The following MYO5B variants were observed in gnomAD, a reference collection of about 807,000 sequenced individuals.
The protein encoded by MYO5B is unconventional myosin-Vb.
A neutral mutation model predicts 229.3 loss-of-function variants in MYO5B; 143 were observed. The observed-to-expected ratio is 0.62, with a 90% confidence interval of 0.54 to 0.72. The LOEUF (loss-of-function observed/expected upper bound fraction) is 0.72, where lower values mean the gene tolerates loss of function less well. Among genes scored for constraint, MYO5B ranks in the 30% least tolerant of loss-of-function variants. The pLI is 0.00. For missense variants in MYO5B, 2,321 were observed against 2,331.0 expected (o/e 1.00, Z 0.09); for synonymous variants, 918 against 885.2 (o/e 1.04, Z -0.66).
At chr18:50,147,671 T>C (rs764967438) in intron 1 of MYO5B, among the ~76,000 whole-genome samples, 10 of 152,192 alleles carry the variant, frequency 6.6e-5, no homozygotes, top group Non-Finnish European at 1.3e-4. Flanking sequence ...TTCGGTAGCA[T>C]ACAAGACCGT....
chr18:49,997,369 C>CTTTTTTTTTTTTTT (rs34011258), intron 5 of MYO5B, among the ~76,000 whole-genome samples: 1 of 60,348 alleles, frequency 1.7e-5, no homozygotes, highest in African/African-American at 7.1e-5. Context: ...TCCTTTCTTT[C>CTTTTTTTTTTTTTT]TTTTTTTTTT....
At chr18:50,050,203 G>A (rs2030355601) in intron 2 of MYO5B, among the ~76,000 whole-genome samples, 1 of 152,166 alleles carries the variant, frequency 6.6e-6, no homozygotes, top group Admixed American at 6.5e-5. Context: ...CCAGCTAAAA[G>A]AAGAAGTAAT....
chr18:50,108,991 G>T (rs946394842), intron 1 of MYO5B, among the ~76,000 whole-genome samples: 1 of 152,116 alleles, frequency 6.6e-6, no homozygotes, highest in Non-Finnish European at 1.5e-5. Context: ...GCTCCAAGAA[G>T]AATAAAGTCA....
chr18:50,143,782 G>T (rs1007754284), intron 1 of MYO5B, among the ~76,000 whole-genome samples: 7 of 152,138 alleles, frequency 4.6e-5, no homozygotes, highest in Admixed American at 2.0e-4. Context: ...TCAGAACATG[G>T]CGTGCAACAC....
At chr18:50,006,598 C>T (rs555094558) in intron 4 of MYO5B, among the ~76,000 whole-genome samples, 3 of 152,336 alleles carry the variant, frequency 2.0e-5, no homozygotes, top group East Asian at 1.9e-4. Context: ...ACTGGCCCCC[C>T]CTTCTGTGAC....
chr18:50,079,743 C>A (rs573554898), intron 1 of MYO5B, among the ~76,000 whole-genome samples: 1 of 151,834 alleles, frequency 6.6e-6, no homozygotes, highest in Non-Finnish European at 1.5e-5. Context: ...TCTGTAGCAG[C>A]GGAATCAGAC....
intron 1 of MYO5B, among the ~76,000 whole-genome samples, chr18:50,107,460 T>C (rs191217516): frequency 6.6e-6 from 1 of 152,258 alleles, no homozygotes; most frequent in East Asian, 1.9e-4. Context: ...TTCTACCGTA[T>C]TCTCACATCT....
intron 21 of MYO5B, among the ~76,000 whole-genome samples, chr18:49,900,128 C>T (rs2024824770): frequency 6.6e-6 from 1 of 152,206 alleles, no homozygotes; most frequent in Non-Finnish European, 1.5e-5. Context: ...GCGGTCAATG[C>T]CTACTCATCC....
chr18:50,071,721 C>G (rs930000446), intron 1 of MYO5B, among the ~76,000 whole-genome samples: 1 of 152,224 alleles, frequency 6.6e-6, no homozygotes. Flanking sequence ...ACTCCTGGTT[C>G]TGTGGGAATT....
At chr18:49,872,259 G>C (rs1487275750) in intron 26 of MYO5B, 27 bp from the exon 27 acceptor site, 5 of 1,611,308 alleles carry the variant, frequency 3.1e-6, no homozygotes, top group Non-Finnish European at 4.2e-6. Flanking sequence ...ACAAAGATAA[G>C]TGCAGACCTC....
chr18:50,118,153 C>G (rs1405901033), intron 1 of MYO5B, among the ~76,000 whole-genome samples: 1 of 152,134 alleles, frequency 6.6e-6, no homozygotes, highest in African/African-American at 2.4e-5. Context: ...CATCCACCCG[C>G]CCCCAACTAA....
intron 5 of MYO5B, among the ~76,000 whole-genome samples, chr18:50,000,655 C>T (rs1000102778): frequency 6.6e-6 from 1 of 152,182 alleles, no homozygotes; most frequent in Non-Finnish European, 1.5e-5. Flanking sequence ...TCTGAGCCCA[C>T]CCTAGTCCAG....
intron 12 of MYO5B, 45 bp from the exon 13 acceptor site, chr18:49,954,480 A>G (rs376374395): frequency 2.5e-6 from 4 of 1,612,750 alleles, no homozygotes; most frequent in African/African-American, 1.3e-5. Flanking sequence ...GAAGAGGAAG[A>G]AGGAAGCCCT....
intron 1 of MYO5B, among the ~76,000 whole-genome samples, chr18:50,130,538 A>C (rs1341674343): frequency 2.0e-5 from 3 of 152,130 alleles, no homozygotes; most frequent in African/African-American, 7.2e-5. Flanking sequence ...GCTCCTTCAA[A>C]AGGAGACAAG....
chr18:50,054,103 C>T (rs1039446843), intron 2 of MYO5B, among the ~76,000 whole-genome samples: 1 of 152,232 alleles, frequency 6.6e-6, no homozygotes, highest in African/African-American at 2.4e-5. Context: ...GATGCACTGG[C>T]CTCCTTCCCT....
intron 1 of MYO5B, among the ~76,000 whole-genome samples, chr18:50,128,101 G>A (rs1287806757): frequency 6.6e-6 from 1 of 152,196 alleles, no homozygotes; most frequent in Non-Finnish European, 1.5e-5. Flanking sequence ...CTTAGGACCT[G>A]TTGGCCTCTG....
intron 27 of MYO5B, among the ~76,000 whole-genome samples, chr18:49,871,227 T>C (rs2024452669): frequency 1.3e-5 from 2 of 152,276 alleles, no homozygotes; most frequent in South Asian, 4.1e-4. Context: ...CCTAGAATTG[T>C]CTAATGCAGA....
intron 4 of MYO5B, among the ~76,000 whole-genome samples, chr18:50,012,814 A>G (rs1358122095): frequency 6.6e-6 from 1 of 152,240 alleles, no homozygotes; most frequent in Non-Finnish European, 1.5e-5. Flanking sequence ...CAGAACCCAA[A>G]GTAGACAAAG....
chr18:49,995,257 C>CT (rs34197598), intron 5 of MYO5B, among the ~76,000 whole-genome samples: 126,284 of 137,554 alleles, frequency 0.92, 58,301 homozygotes, highest in East Asian at 0.99. Context: ...CACTTATATC[C>CT]TTTTTTTTTT....
Sources: gnomAD v4.1 joint callset for allele counts (sites outside exome capture counted in the v4.1 genomes callset) on GRCh38, gnomAD v4.1.1 for gene constraint, MANE v1.5 for transcripts, NCBI Gene and HGNC (gene_info 2026-07-23, HGNC 2026-07-21) for gene names.